Variants in PKHD1 observed in about 807,000 individuals in gnomAD.
PKHD1 encodes the protein PKHD1 ciliary IPT domain containing fibrocystin/polyductin.
PKHD1 carries 291 observed loss-of-function variants against 412.0 expected under a neutral mutation model. The ratio of observed to expected loss-of-function variants is 0.71; its 90% CI spans 0.64 to 0.78. The LOEUF is 0.78. PKHD1 is among the 30% of genes least tolerant of loss of function. PKHD1 has a pLI of 0.00. For synonymous variants in PKHD1, 1,777 were observed against 1,821.5 expected (o/e 0.98, Z 0.62); for missense variants, 4,825 against 4,950.7 (o/e 0.97, Z 0.76).
intron 66 of PKHD1, 140 bp from the exon 67 acceptor site, chr6:51,619,660 T>C (rs1766364813): frequency 1.4e-6 from 1 of 695,156 alleles, no homozygotes; most frequent in Admixed American, 2.5e-5. Flanking sequence ...CCAAATATCT[T>C]TTATCAGACA....
At chr6:52,057,978 T>C (rs1808043478) in intron 16 of PKHD1, among the ~76,000 whole-genome samples, 1 of 152,158 alleles carries the variant, frequency 6.6e-6, no homozygotes, top group Non-Finnish European at 1.5e-5. Context: ...CCTCAATCAG[T>C]CAAAAATTAT....
At chr6:52,066,632 C>T (rs1449909998) in intron 11 of PKHD1, among the ~76,000 whole-genome samples, 4 of 152,160 alleles carry the variant, frequency 2.6e-5, no homozygotes, top group Admixed American at 2.0e-4. Context: ...GTGACTCAGG[C>T]CTGTAATCCC....
chr6:51,798,514 C>CT (rs776570920), intron 52 of PKHD1, among the ~76,000 whole-genome samples: 1 of 152,254 alleles, frequency 6.6e-6, no homozygotes, highest in East Asian at 1.9e-4. Context: ...GATGGGCTTC[C>CT]TTTTGTAGGT....
intron 66 of PKHD1, among the ~76,000 whole-genome samples, chr6:51,623,615 G>A (rs149223278): frequency 0.011 from 1,703 of 150,864 alleles, 26 homozygotes; most frequent in African/African-American, 0.039. Context: ...ATGGAGTCTC[G>A]CTCTGTCACC....
At chr6:51,884,352 A>G (rs4715256) in intron 45 of PKHD1, among the ~76,000 whole-genome samples, 138,332 of 152,172 alleles carry the variant, frequency 0.91, 63,252 homozygotes, top group East Asian at 0.99. Context: ...GTTTATCTCC[A>G]GACTCTCACT....
chr6:51,707,594 A>C (rs1780159811), intron 60 of PKHD1, among the ~76,000 whole-genome samples: 1 of 151,976 alleles, frequency 6.6e-6, no homozygotes, highest in Admixed American at 6.6e-5. Context: ...TTTTTCCTCC[A>C]ACCTTTCATA....
At chr6:51,723,155 T>G (rs1468471401) in intron 60 of PKHD1, among the ~76,000 whole-genome samples, 1 of 152,188 alleles carries the variant, frequency 6.6e-6, no homozygotes, top group Admixed American at 6.6e-5. Flanking sequence ...TAAGACCAAG[T>G]GTCAGAATCT....
intron 35 of PKHD1, among the ~76,000 whole-genome samples, chr6:51,987,448 A>G (rs1796356049): frequency 1.3e-5 from 2 of 152,218 alleles, no homozygotes; most frequent in African/African-American, 2.4e-5. Context: ...CCTATTTATG[A>G]TGAGAAAACT....
chr6:51,934,800 T>G (rs1787213507), intron 36 of PKHD1, among the ~76,000 whole-genome samples: 1 of 152,232 alleles, frequency 6.6e-6, no homozygotes, highest in Admixed American at 6.5e-5. Flanking sequence ...TTATACTTTC[T>G]TTTGTTAACA....
At chr6:51,937,508 A>C (rs1787699245) in intron 36 of PKHD1, among the ~76,000 whole-genome samples, 1 of 152,184 alleles carries the variant, frequency 6.6e-6, no homozygotes, top group Non-Finnish European at 1.5e-5. Context: ...TGTTTGACTC[A>C]ATAGTCAAAT....
chr6:51,777,284 G>T (rs1487016652), intron 53 of PKHD1, among the ~76,000 whole-genome samples: 1 of 152,104 alleles, frequency 6.6e-6, no homozygotes, highest in East Asian at 1.9e-4. Flanking sequence ...CACAAGGTAA[G>T]TCTAAAGCTT....
intron 65 of PKHD1, among the ~76,000 whole-genome samples, chr6:51,630,510 T>A (rs928962288): frequency 6.6e-6 from 1 of 152,192 alleles, no homozygotes; most frequent in Non-Finnish European, 1.5e-5. Context: ...AGTTAATGAA[T>A]AAATTTAAAA....
intron 65 of PKHD1, among the ~76,000 whole-genome samples, chr6:51,629,115 A>G (rs557607466): frequency 2.0e-4 from 31 of 152,286 alleles, no homozygotes; most frequent in Admixed American, 1.8e-3. Flanking sequence ...AAAACCGTAG[A>G]AAAAAACCTA....
At chr6:52,028,693 G>A (rs992149781) in intron 29 of PKHD1, among the ~76,000 whole-genome samples, 1 of 151,926 alleles carries the variant, frequency 6.6e-6, no homozygotes, top group Admixed American at 6.6e-5. Context: ...TGTATTTTTT[G>A]CAGAGACAGG....
At chr6:51,669,419 T>C (rs1359040417) in intron 60 of PKHD1, among the ~76,000 whole-genome samples, 1 of 151,972 alleles carries the variant, frequency 6.6e-6, no homozygotes, top group African/African-American at 2.4e-5. Flanking sequence ...TTATTGCTTC[T>C]ATTTGATTCT....
At chr6:51,874,247 A>G (rs1776477625) in intron 46 of PKHD1, among the ~76,000 whole-genome samples, 1 of 151,090 alleles carries the variant, frequency 6.6e-6, no homozygotes, top group African/African-American at 2.4e-5. Flanking sequence ...TACTTCGATA[A>G]GTAGGGTGAC....
intron 60 of PKHD1, among the ~76,000 whole-genome samples, chr6:51,666,766 T>C (rs1423118677): frequency 6.8e-6 from 1 of 146,890 alleles, no homozygotes; most frequent in Non-Finnish European, 1.5e-5. Context: ...CATTGTTCAA[T>C]TCCCACCTAT....
At chr6:51,619,672 T>G (rs1766366284) in intron 66 of PKHD1, 152 bp from the exon 67 acceptor site, 3 of 654,448 alleles carry the variant, frequency 4.6e-6, no homozygotes, top group Non-Finnish European at 7.9e-6. Context: ...TATCAGACAC[T>G]CCAAATATGT....
At chr6:51,642,143 C>T (rs925500413) in intron 63 of PKHD1, among the ~76,000 whole-genome samples, 7 of 152,068 alleles carry the variant, frequency 4.6e-5, no homozygotes, top group African/African-American at 1.7e-4. Flanking sequence ...CCGGGCATGA[C>T]ATCCTTAAGG....
Sources: gnomAD v4.1 joint callset for allele counts (sites outside exome capture counted in the v4.1 genomes callset) on GRCh38, gnomAD v4.1.1 for gene constraint, MANE v1.5 for transcripts, NCBI Gene and HGNC (gene_info 2026-07-23, HGNC 2026-07-21) for gene names.